The following LIMS1 variants were observed in gnomAD, a reference collection of about 807,000 sequenced individuals.
The protein encoded by LIMS1 is LIM and senescent cell antigen-like-containing domain protein 1.
In LIMS1, 18 loss-of-function variants were observed where a neutral mutation model predicts 44.1. That is an observed-to-expected ratio of 0.41 (90% CI 0.28 to 0.61). LIMS1 has a LOEUF of 0.61. Ranked by LOEUF, LIMS1 falls within the 20% of genes least tolerant of loss-of-function variation. The pLI, the probability that LIMS1 is intolerant of heterozygous loss-of-function variation, is 0.32. For synonymous variants in LIMS1, 93 were observed against 149.1 expected (o/e 0.62, Z 2.74); for missense variants, 201 against 422.0 (o/e 0.48, Z 4.59).
At chr2:108,674,366 T>G (rs1692365929) in intron 5 of LIMS1, among the ~76,000 whole-genome samples, 1 of 152,036 alleles carries the variant, frequency 6.6e-6, no homozygotes, top group Admixed American at 6.6e-5. Flanking sequence ...TTACTGTAGT[T>G]AATGTGAACT....
intron 1 of LIMS1, among the ~76,000 whole-genome samples, chr2:108,586,548 C>G (rs1053650884): frequency 6.6e-6 from 1 of 152,190 alleles, no homozygotes; most frequent in African/African-American, 2.4e-5. Flanking sequence ...TACGAGAAGA[C>G]CTTCAAGCAT....
chr2:108,662,827 G>A lies in LIMS1; in HGVS notation c.192+3063G>A, dbSNP rs941243083. On this transcript the variant is annotated intron_variant, in intron 2 of 9. Coordinates refer to ENST00000544547, the Ensembl canonical transcript of LIMS1. ...ATATCTTTGTTATTGCTTTTGTCTC[G>A]TTATCAGAACAACTTCCTTCCCTGA... 36 of 809,862 alleles carry A rather than the reference G, an allele frequency of 4.4e-5. No individual in the cohort carries two copies. The African/African-American group carries it at 4.9e-4, about 11-fold the overall frequency. The allele number at this position is 809,862 out of a possible 1,614,324, so 50.2% of individuals were successfully genotyped here. A position where few individuals can be genotyped will look rare whatever the true frequency, so the allele number is the denominator to read the frequency against.
At chr2:108,583,460 G>T (rs1685967336) in intron 1 of LIMS1, among the ~76,000 whole-genome samples, 1 of 152,134 alleles carries the variant, frequency 6.6e-6, no homozygotes, top group Non-Finnish European at 1.5e-5. Flanking sequence ...AACATTTGGG[G>T]TTATAAATGA....
At chr2:108,588,404 C>G in intron 1 of LIMS1, 3 of 985,272 alleles carry the variant, frequency 3.0e-6, no homozygotes, top group Non-Finnish European at 3.6e-6. Flanking sequence ...TGATGTGAAA[C>G]TGGCCTCCCA....
chr2:108,671,544 G>A (rs1427841871), intron 3 of LIMS1, among the ~76,000 whole-genome samples: 5 of 152,206 alleles, frequency 3.3e-5, no homozygotes. Flanking sequence ...CGGCGCATAA[G>A]TGATGGACTT....
intron 1 of LIMS1, among the ~76,000 whole-genome samples, chr2:108,550,383 C>T (rs1684640941): frequency 6.6e-6 from 1 of 151,298 alleles, no homozygotes. Context: ...CCTGTAGTCC[C>T]AGCTACTGAG....
At chr2:108,537,202 T>C (rs537790350) in intron 1 of LIMS1, among the ~76,000 whole-genome samples, 30 of 152,192 alleles carry the variant, frequency 2.0e-4, no homozygotes, top group Non-Finnish European at 3.1e-4. Context: ...AGGAATATCT[T>C]AGTATGATGA....
At chr2:108,597,328 C>T (rs1458615816) in intron 1 of LIMS1, among the ~76,000 whole-genome samples, 3 of 152,056 alleles carry the variant, frequency 2.0e-5, no homozygotes, top group Non-Finnish European at 4.4e-5. Context: ...GTATAACTTC[C>T]AGGAATTCAT....
At chr2:108,666,782 C>T (rs1367265429) in intron 2 of LIMS1, among the ~76,000 whole-genome samples, 4 of 148,382 alleles carry the variant, frequency 2.7e-5, no homozygotes, top group Non-Finnish European at 5.9e-5. Flanking sequence ...AGGGCAAGAC[C>T]GTTTCTGAAA....
intron 1 of LIMS1, among the ~76,000 whole-genome samples, chr2:108,578,916 A>G (rs369724746): frequency 5.4e-4 from 82 of 152,270 alleles, no homozygotes; most frequent in African/African-American, 1.9e-3. Context: ...TAATTTTTAA[A>G]TCTAGTTTAC....
intron 1 of LIMS1, among the ~76,000 whole-genome samples, chr2:108,569,782 T>TTTTTTTTTTTC (rs1423558056): frequency 6.8e-6 from 1 of 146,864 alleles, no homozygotes; most frequent in Admixed American, 6.9e-5. Context: ...TTTTTTTTTT[T>TTTTTTTTTTTC]TAGTGATGAG....
At chr2:108,679,427 C>T (rs1692797449) in intron 8 of LIMS1, among the ~76,000 whole-genome samples, 1 of 151,972 alleles carries the variant, frequency 6.6e-6, no homozygotes, top group Non-Finnish European at 1.5e-5. Context: ...TTGCTGTGAG[C>T]CAAGATCACA....
chr2:108,540,440 T>C (rs1684281027), intron 1 of LIMS1, among the ~76,000 whole-genome samples: 1 of 152,124 alleles, frequency 6.6e-6, no homozygotes, highest in Admixed American at 6.6e-5. Context: ...CCTTGTGATC[T>C]GCCCGCCTCG....
chr2:108,601,815 C>A (rs994258338), intron 1 of LIMS1, among the ~76,000 whole-genome samples: 1 of 152,176 alleles, frequency 6.6e-6, no homozygotes, highest in Non-Finnish European at 1.5e-5. Context: ...CTGCACCCAG[C>A]CTAGAATTGT....
chr2:108,579,879 C>T (rs1251262240), intron 1 of LIMS1, among the ~76,000 whole-genome samples: 1 of 152,290 alleles, frequency 6.6e-6, no homozygotes, highest in East Asian at 1.9e-4. Flanking sequence ...TGGGAATCAT[C>T]CCAAGAAGAG....
At position 108,659,813 on chromosome 2, in the gene LIMS1, G is replaced by T. The variant is rs374790481; in HGVS notation, c.192+49G>T. On this transcript the variant is annotated intron_variant, in intron 2 of 9. Transcript: ENST00000544547. ...GGGAGGTGCCATTCCCCGCCCTCCC[G>T]CTTCCTGCCCTTCTTTCCTGAGGCC... 4.7e-5 allele frequency: 76 copies of T among 1,612,072 alleles called. No homozygotes were observed. In the Admixed American group the frequency reaches 5.0e-4, roughly 11 times the overall value.
intron 1 of LIMS1, among the ~76,000 whole-genome samples, chr2:108,596,602 TC>T (rs1354199422): frequency 1.3e-5 from 2 of 152,414 alleles, no homozygotes; most frequent in South Asian, 4.1e-4. Flanking sequence ...GATGGGCAGA[TC>T]ACCTGAGGTC....
intron 1 of LIMS1, among the ~76,000 whole-genome samples, chr2:108,616,304 C>T (rs1687931341): frequency 6.7e-6 from 1 of 149,298 alleles, no homozygotes; most frequent in South Asian, 2.1e-4. Flanking sequence ...CTTCCAGGCT[C>T]AAGTGATCAT....
At chr2:108,629,548 G>A (rs113657524) in intron 1 of LIMS1, among the ~76,000 whole-genome samples, 5 of 152,202 alleles carry the variant, frequency 3.3e-5, no homozygotes, top group African/African-American at 1.2e-4. Flanking sequence ...TTCCATTTGA[G>A]ACTCTCAGAA....
Sources: gnomAD v4.1 joint callset for allele counts (sites outside exome capture counted in the v4.1 genomes callset) on GRCh38, gnomAD v4.1.1 for gene constraint, MANE v1.5 for transcripts, NCBI Gene and HGNC (gene_info 2026-07-23, HGNC 2026-07-21) for gene names.